NXPE4: variants seen among roughly 807,000 people sequenced by gnomAD.
The protein encoded by NXPE4 is NXPE family member 4.
NXPE4 carries 42 observed loss-of-function variants against 33.3 expected under a neutral mutation model. The observed-to-expected ratio is 1.26, with a 90% CI of 0.98 to 1.63. The LOEUF is 1.63. Among genes scored for constraint, NXPE4 ranks in the 40% most tolerant of loss-of-function variants. NXPE4 has a pLI of 0.00. For missense variants in NXPE4, 709 were observed against 647.6 expected (o/e 1.09, Z -1.03); for synonymous variants, 253 against 234.9 (o/e 1.08, Z -0.71).
At chr11:114,614,878 A>G in the NXPE4 span, among the ~76,000 whole-genome samples, 7,413 of 151,932 alleles carry the variant, frequency 0.049, 603 homozygotes, top group African/African-American at 0.17. Flanking sequence ...TTCCCAGTGT[A>G]TAATAGGTAT....
chr11:114,606,654 C>T, the NXPE4 span, among the ~76,000 whole-genome samples: 89 of 151,940 alleles, frequency 5.9e-4, no homozygotes, highest in African/African-American at 2.1e-3. Context: ...CAGTGTTACT[C>T]GGTGGATAGT....
the NXPE4 span, among the ~76,000 whole-genome samples, chr11:114,650,748 T>C: frequency 1.3e-5 from 2 of 151,770 alleles, no homozygotes; most frequent in Admixed American, 6.6e-5. Context: ...CAAGGCAGAG[T>C]GCGGTTGCCA....
At chr11:114,651,659 C>T in the NXPE4 span, among the ~76,000 whole-genome samples, 15 of 152,216 alleles carry the variant, frequency 9.9e-5, no homozygotes, top group South Asian at 8.3e-4. Flanking sequence ...CTGATTGGTC[C>T]GTTTTACAGA....
At chr11:114,639,789 T>G in the NXPE4 span, among the ~76,000 whole-genome samples, 27 of 124,108 alleles carry the variant, frequency 2.2e-4, 1 homozygote, top group South Asian at 5.7e-3. Flanking sequence ...AAATATAATA[T>G]ATATTATATT....
the NXPE4 span, among the ~76,000 whole-genome samples, chr11:114,662,933 A>G: frequency 2.0e-5 from 3 of 152,136 alleles, no homozygotes; most frequent in Non-Finnish European, 2.9e-5. Context: ...GGGTGAGCCT[A>G]TGAGGCTTGC....
At chr11:114,673,605 C>T in the NXPE4 span, among the ~76,000 whole-genome samples, 1 of 151,584 alleles carries the variant, frequency 6.6e-6, no homozygotes, top group Non-Finnish European at 1.5e-5. Flanking sequence ...AGAGAAAACT[C>T]AAATTACTAA....
the NXPE4 span, among the ~76,000 whole-genome samples, chr11:114,613,523 C>T: frequency 8.6e-5 from 13 of 151,658 alleles, no homozygotes; most frequent in East Asian, 2.0e-4. Context: ...AGTATTGCTT[C>T]GTGGGTAATC....
At chr11:114,643,972 C>A in the NXPE4 span, among the ~76,000 whole-genome samples, 2 of 152,026 alleles carry the variant, frequency 1.3e-5, no homozygotes, top group Non-Finnish European at 2.9e-5. Context: ...TTGAAGAGGT[C>A]CTTCATATCC....
At chr11:114,672,250 A>C in the NXPE4 span, among the ~76,000 whole-genome samples, 1 of 152,128 alleles carries the variant, frequency 6.6e-6, no homozygotes, top group South Asian at 2.1e-4. Context: ...ACACACAAAA[A>C]GCAACTATAG....
the NXPE4 span, among the ~76,000 whole-genome samples, chr11:114,629,244 TG>T: frequency 2.6e-5 from 4 of 152,074 alleles, no homozygotes; most frequent in Admixed American, 6.6e-5. Context: ...CCAATATCCT[TG>T]ATGAACATTG....
At chr11:114,672,602 A>G in the NXPE4 span, among the ~76,000 whole-genome samples, 1 of 151,924 alleles carries the variant, frequency 6.6e-6, no homozygotes, top group Non-Finnish European at 1.5e-5. Context: ...TTAATGATAC[A>G]AGCAGTTTGA....
At chr11:114,626,798 A>G in the NXPE4 span, among the ~76,000 whole-genome samples, 2 of 152,158 alleles carry the variant, frequency 1.3e-5, no homozygotes, top group Admixed American at 1.3e-4. Flanking sequence ...GTATAACTAG[A>G]ATAACCAATA....
chr11:114,620,134 G>C, the NXPE4 span, among the ~76,000 whole-genome samples: 1 of 151,978 alleles, frequency 6.6e-6, no homozygotes, highest in African/African-American at 2.4e-5. Flanking sequence ...TTCCTCGTGG[G>C]AAACCACTGT....
At chr11:114,633,763 T>C in the NXPE4 span, among the ~76,000 whole-genome samples, 4 of 152,080 alleles carry the variant, frequency 2.6e-5, no homozygotes, top group African/African-American at 9.6e-5. Flanking sequence ...TGATTTCCAA[T>C]TTCATCCATG....
At chr11:114,627,188 G>A in the NXPE4 span, among the ~76,000 whole-genome samples, 2 of 151,940 alleles carry the variant, frequency 1.3e-5, no homozygotes, top group East Asian at 3.9e-4. Context: ...GATACTCCTC[G>A]AGAAGAGCAA....
the NXPE4 span, among the ~76,000 whole-genome samples, chr11:114,652,288 C>T: frequency 6.6e-6 from 1 of 152,100 alleles, no homozygotes; most frequent in Non-Finnish European, 1.5e-5. Flanking sequence ...GAAATGATGC[C>T]CTTAAGGCAT....
the NXPE4 span, among the ~76,000 whole-genome samples, chr11:114,626,591 G>A: frequency 5.9e-5 from 9 of 152,036 alleles, no homozygotes; most frequent in East Asian, 3.9e-4. Context: ...GCAGAAAAAC[G>A]GGAAACTCTA....
chr11:114,621,115 C>T, the NXPE4 span, among the ~76,000 whole-genome samples: 1 of 152,142 alleles, frequency 6.6e-6, no homozygotes, highest in Non-Finnish European at 1.5e-5. Flanking sequence ...CCACTGTTAC[C>T]CTGTGGATAA....
At chr11:114,658,582 A>G in the NXPE4 span, among the ~76,000 whole-genome samples, 2,174 of 152,292 alleles carry the variant, frequency 0.014, 43 homozygotes, top group African/African-American at 0.05. Flanking sequence ...GTGTTATGCT[A>G]CTGGCAGAAG....
Sources: gnomAD v4.1 joint callset for allele counts (sites outside exome capture counted in the v4.1 genomes callset) on GRCh38, gnomAD v4.1.1 for gene constraint, MANE v1.5 for transcripts, NCBI Gene and HGNC (gene_info 2026-07-23, HGNC 2026-07-21) for gene names.